Variants in LARP4B observed in about 807,000 individuals in gnomAD.
The protein encoded by LARP4B is La ribonucleoprotein 4B, also known as la-related protein 4B.
A neutral mutation model predicts 89.8 loss-of-function variants in LARP4B; 12 were observed. That is an observed-to-expected ratio of 0.13 (90% CI 0.09 to 0.22). The LOEUF (loss-of-function observed/expected upper bound fraction) is 0.22. Ranked by LOEUF, LARP4B falls within the 10% of genes least tolerant of loss-of-function variation. The probability of loss-of-function intolerance (pLI) is 1.00; values close to 1 mark genes in which losing one functional copy is unlikely to be tolerated. For synonymous variants in LARP4B, 367 were observed against 363.3 expected (o/e 1.01, Z -0.12); for missense variants, 757 against 947.7 (o/e 0.80, Z 2.64).
At chr10:826,108 G>A (rs1041669240) in intron 11 of LARP4B, among the ~76,000 whole-genome samples, 2 of 152,228 alleles carry the variant, frequency 1.3e-5, no homozygotes, top group African/African-American at 4.8e-5. Flanking sequence ...ACTGACACAT[G>A]CGGAAGCAGG....
intron 1 of LARP4B, among the ~76,000 whole-genome samples, chr10:900,465 T>C (rs1836310642): frequency 1.2e-5 from 1 of 83,096 alleles, no homozygotes; most frequent in African/African-American, 4.9e-5. Context: ...AGGTAGGGTC[T>C]CACTTTTTCA....
intron 1 of LARP4B, among the ~76,000 whole-genome samples, chr10:895,270 C>A (rs1014582024): frequency 2.0e-5 from 3 of 151,722 alleles, no homozygotes; most frequent in Non-Finnish European, 2.9e-5. Context: ...GAAAACCTAA[C>A]TTGGATATAT....
At chr10:890,789 A>C (rs184283315) in intron 1 of LARP4B, among the ~76,000 whole-genome samples, 13 of 152,316 alleles carry the variant, frequency 8.5e-5, no homozygotes, top group African/African-American at 2.2e-4. Context: ...ATGTTGAAGT[A>C]ACACACGAGG....
chr10:977,996 C>A, the LARP4B span, among the ~76,000 whole-genome samples: 3 of 152,172 alleles, frequency 2.0e-5, no homozygotes, highest in African/African-American at 7.2e-5. Flanking sequence ...AGATGAACTA[C>A]CCTATCCCAT....
the LARP4B span, chr10:985,816 G>A: frequency 2.0e-5 from 3 of 152,356 alleles, no homozygotes; most frequent in Non-Finnish European, 4.4e-5. Context: ...TCAATCAACG[G>A]AGTTCCACAG....
chr10:961,776 G>C, the LARP4B span, among the ~76,000 whole-genome samples: 1 of 152,178 alleles, frequency 6.6e-6, no homozygotes, highest in East Asian at 1.9e-4. Flanking sequence ...CATAGAGCAA[G>C]AACTCTCTCA....
At chr10:825,439 G>A (rs1832570229) in intron 12 of LARP4B, 123 bp from the exon 13 acceptor site, 3 of 947,490 alleles carry the variant, frequency 3.2e-6, no homozygotes, top group East Asian at 2.6e-5. Context: ...ATAAAAATAG[G>A]ATTTGGAATG....
At chr10:824,819 TG>T (rs375938909) in intron 13 of LARP4B, among the ~76,000 whole-genome samples, 228 of 152,374 alleles carry the variant, frequency 1.5e-3, no homozygotes, top group African/African-American at 5.3e-3. Flanking sequence ...ATGGAGTCTA[TG>T]GCTATTGAGC....
intron 1 of LARP4B, among the ~76,000 whole-genome samples, chr10:914,495 C>CGCCCCACCCGCCCCCA: frequency 6.8e-6 from 1 of 147,788 alleles, no homozygotes; most frequent in African/African-American, 2.5e-5. Flanking sequence ...GAAGACTCAG[C>CGCCCCACCCGCCCCCA]CAAAAAAAAA....
chr10:981,767 A>G, the LARP4B span, among the ~76,000 whole-genome samples: 1 of 151,986 alleles, frequency 6.6e-6, no homozygotes, highest in Admixed American at 6.6e-5. Flanking sequence ...ATGGGGTTTC[A>G]TATCTTGGCC....
chr10:976,560 T>C, the LARP4B span, among the ~76,000 whole-genome samples: 2 of 140,072 alleles, frequency 1.4e-5, no homozygotes, highest in Non-Finnish European at 3.1e-5. Context: ...TGCCGCGTAA[T>C]GTGTGGCCGG....
chr10:913,242 A>G (rs182043016), intron 1 of LARP4B, among the ~76,000 whole-genome samples: 1 of 152,194 alleles, frequency 6.6e-6, no homozygotes, highest in Admixed American at 6.5e-5. Flanking sequence ...GAGGGGGGGA[A>G]TTATTTTCAC....
intron 8 of LARP4B, among the ~76,000 whole-genome samples, chr10:832,656 G>A (rs914750702): frequency 1.3e-5 from 2 of 152,246 alleles, no homozygotes; most frequent in African/African-American, 4.8e-5. Context: ...CCAGAAGAGA[G>A]AGTATCTTTA....
chr10:874,433 T>C (rs1485165196), intron 3 of LARP4B, among the ~76,000 whole-genome samples: 1 of 152,200 alleles, frequency 6.6e-6, no homozygotes, highest in African/African-American at 2.4e-5. Context: ...AGAAAGTCTC[T>C]TGAAAGTACT....
At chr10:823,031 A>G (rs1832436874) in intron 13 of LARP4B, among the ~76,000 whole-genome samples, 1 of 152,236 alleles carries the variant, frequency 6.6e-6, no homozygotes, top group African/African-American at 2.4e-5. Flanking sequence ...TCTCAGGGCA[A>G]GCAAGGCCTG....
the LARP4B span, among the ~76,000 whole-genome samples, chr10:967,237 G>C: frequency 6.6e-6 from 1 of 152,146 alleles, no homozygotes; most frequent in Non-Finnish European, 1.5e-5. Context: ...GGAGGAAATG[G>C]GCGCAGCGCA....
chr10:849,179 G>A (rs2131766251), intron 5 of LARP4B, among the ~76,000 whole-genome samples: 1 of 152,232 alleles, frequency 6.6e-6, no homozygotes, highest in Non-Finnish European at 1.5e-5. Flanking sequence ...GAAAAAAAGG[G>A]AAAGAGGAAC....
chr10:875,847 C>T (rs2131896642), intron 3 of LARP4B, among the ~76,000 whole-genome samples: 1 of 152,322 alleles, frequency 6.6e-6, no homozygotes, highest in South Asian at 2.1e-4. Context: ...AAAAACACAG[C>T]ATTCCATTCC....
At chr10:829,300 G>T in intron 11 of LARP4B, 85 bp downstream of exon 11, 1 of 1,140,252 alleles carries the variant, frequency 8.8e-7, no homozygotes, top group Non-Finnish European at 1.2e-6. Context: ...CACATATCTG[G>T]CTTCCTATTA....
Sources: gnomAD v4.1 joint callset for allele counts (sites outside exome capture counted in the v4.1 genomes callset) on GRCh38, gnomAD v4.1.1 for gene constraint, MANE v1.5 for transcripts, NCBI Gene and HGNC (gene_info 2026-07-23, HGNC 2026-07-21) for gene names.